Variants in ERP44 observed in about 807,000 individuals in gnomAD.
ERP44 encodes the protein endoplasmic reticulum protein 44.
In ERP44, 25 loss-of-function variants were observed where a neutral mutation model predicts 53.4. The observed-to-expected ratio is 0.47, with a 90% CI of 0.34 to 0.65. ERP44 has a LOEUF of 0.65. Among genes scored for constraint, ERP44 ranks in the 30% least tolerant of loss-of-function variants. The pLI is 0.01. For missense variants in ERP44, 338 were observed against 493.2 expected (o/e 0.69, Z 2.98); for synonymous variants, 145 against 161.2 (o/e 0.90, Z 0.76).
chr9:100,023,925 C>T lies in ERP44; in HGVS notation c.287-1699G>A, dbSNP rs547044505. On this transcript the variant is annotated intron_variant, in intron 4 of 11. Transcript: ENST00000262455. ...ATCCCAGAAGTTTGGGAGAATGAGG[C>T]GGGTGGATCACTTGAGGTCAGGAGT... Among the ~76,000 whole-genome samples the T allele has an allele frequency of 2.1e-4, 32 of 152,168 alleles. 1 individual carries two copies. Among genetic ancestry groups the T allele is most frequent in the South Asian group, 4.1e-4 (2 of 4,822 alleles).
intron 1 of ERP44, among the ~76,000 whole-genome samples, chr9:100,069,413 A>C (rs1346673718): frequency 1.3e-5 from 2 of 152,216 alleles, no homozygotes; most frequent in African/African-American, 4.8e-5. Context: ...TTCTTAGAAT[A>C]CTCTACAAAA....
At chr9:99,985,095 A>G (rs1830182590) in intron 10 of ERP44, 26 bp from the exon 11 acceptor site, 1 of 1,459,912 alleles carries the variant, frequency 6.8e-7, no homozygotes, top group Admixed American at 1.7e-5. Context: ...AATAAAATGT[A>G]AACTGTTAAA....
intron 10 of ERP44, among the ~76,000 whole-genome samples, chr9:99,991,779 AAAG>A (rs1357373117): frequency 3.3e-5 from 5 of 152,212 alleles, no homozygotes; most frequent in African/African-American, 1.2e-4. Context: ...CAAGACTAAT[AAAG>A]AAGAAAAGAG....
At chr9:100,087,640 A>T (rs1826500011) in intron 1 of ERP44, among the ~76,000 whole-genome samples, 1 of 152,200 alleles carries the variant, frequency 6.6e-6, no homozygotes, top group Non-Finnish European at 1.5e-5. Context: ...GGAAACTCAG[A>T]AAGGTTAAAT....
intron 1 of ERP44, among the ~76,000 whole-genome samples, chr9:100,093,305 C>A (rs1192441914): frequency 6.6e-6 from 1 of 152,162 alleles, no homozygotes; most frequent in Non-Finnish European, 1.5e-5. Context: ...GCTTCTCAAC[C>A]CTGTGAGCAT....
chr9:100,073,704 A>C (rs1335233799), intron 1 of ERP44, among the ~76,000 whole-genome samples: 2 of 152,226 alleles, frequency 1.3e-5, no homozygotes, highest in East Asian at 3.9e-4. Context: ...AGAAATTTTC[A>C]ATTACATTCT....
chr9:100,075,229 G>A (rs928978702), intron 1 of ERP44, among the ~76,000 whole-genome samples: 1 of 152,194 alleles, frequency 6.6e-6, no homozygotes, highest in African/African-American at 2.4e-5. Flanking sequence ...GCTTAACCAA[G>A]TGGTAACTCC....
chr9:100,039,014 C>A (rs1178080560), intron 4 of ERP44, among the ~76,000 whole-genome samples: 3 of 152,090 alleles, frequency 2.0e-5, no homozygotes, highest in African/African-American at 7.2e-5. Context: ...TATATACGCA[C>A]CCAACACTGG....
chr9:100,070,577 C>G (rs576684641), intron 1 of ERP44, among the ~76,000 whole-genome samples: 2 of 152,220 alleles, frequency 1.3e-5, no homozygotes, highest in African/African-American at 4.8e-5. Flanking sequence ...CACACTGTTA[C>G]TGAACAATCT....
intron 11 of ERP44, 74 bp downstream of exon 11, chr9:99,984,893 C>G: frequency 1.2e-6 from 1 of 867,226 alleles, no homozygotes. Context: ...GATGCAAGAA[C>G]TTCAGACCCT....
intron 1 of ERP44, among the ~76,000 whole-genome samples, chr9:100,061,595 G>GAAATATATATATTTATAGAAATATATAT (rs1564100583): frequency 3.1e-4 from 44 of 143,242 alleles, no homozygotes; most frequent in South Asian, 1.9e-3. Context: ...TATATTTATA[G>GAAATATATATATTTATAGAAATATATAT]AAATATATAT....
intron 10 of ERP44, chr9:99,998,889 C>G: frequency 2.5e-6 from 4 of 1,589,684 alleles, no homozygotes; most frequent in Admixed American, 1.7e-5. Context: ...GTCTTCGCCT[C>G]CATCTCCCCC....
intron 4 of ERP44, among the ~76,000 whole-genome samples, chr9:100,044,792 C>T (rs1825949686): frequency 6.6e-6 from 1 of 152,098 alleles, no homozygotes; most frequent in Admixed American, 6.5e-5. Context: ...TTTTAAAATA[C>T]CAAGTTTCTA....
rs923929791 is a variant in ERP44 at position 99,979,585 on chromosome 9, A to G, written c.*3027T>C. On this transcript the variant is annotated 3_prime_UTR_variant, in exon 12 of 12. Transcript: ENST00000262455. ...AAAATAATTTGTAGAATGTCATCTA[A>G]AAGTTTCCATCCTTTTATGGTCCCC... The G allele has an allele frequency of 1.6e-5, 3 of 189,474 alleles. No individual in the cohort carries two copies. Among genetic ancestry groups the G allele is most frequent in the Non-Finnish European group, 3.2e-5 (3 of 93,114 alleles). The allele number at this position is 189,474 out of a possible 1,614,324, so 11.7% of individuals were successfully genotyped here.
intron 11 of ERP44, 125 bp downstream of exon 11, chr9:99,984,842 G>T (rs1830180099): frequency 6.9e-6 from 4 of 583,888 alleles, no homozygotes; most frequent in Non-Finnish European, 1.2e-5. Flanking sequence ...TTTCTACTCA[G>T]AATTTCTCTA....
chr9:100,066,940 A>G (rs1266022930), intron 1 of ERP44, among the ~76,000 whole-genome samples: 1 of 152,178 alleles, frequency 6.6e-6, no homozygotes, highest in East Asian at 1.9e-4. Context: ...AAGTTCAAAG[A>G]GAGGGGAAAA....
At chr9:100,093,387 T>C (rs1826583825) in intron 1 of ERP44, among the ~76,000 whole-genome samples, 1 of 152,208 alleles carries the variant, frequency 6.6e-6, no homozygotes, top group South Asian at 2.1e-4. Flanking sequence ...CTCAGGCCTA[T>C]AATACCAGAA....
chr9:100,046,086 A>C (rs1825964152), intron 4 of ERP44, among the ~76,000 whole-genome samples: 1 of 152,208 alleles, frequency 6.6e-6, no homozygotes, highest in African/African-American at 2.4e-5. Flanking sequence ...AAAATTTAAC[A>C]ATCAATGCCA....
chr9:100,097,215 T>G (rs1182046675), intron 1 of ERP44, among the ~76,000 whole-genome samples: 1 of 152,242 alleles, frequency 6.6e-6, no homozygotes, highest in African/African-American at 2.4e-5. Context: ...ATAAAAAGCA[T>G]GAGTTATTCC....
Sources: gnomAD v4.1 joint callset for allele counts (sites outside exome capture counted in the v4.1 genomes callset) on GRCh38, gnomAD v4.1.1 for gene constraint, MANE v1.5 for transcripts, NCBI Gene and HGNC (gene_info 2026-07-23, HGNC 2026-07-21) for gene names.